The following CR1L variants were observed in gnomAD, a reference collection of about 807,000 sequenced individuals.
CR1L encodes complement component receptor 1-like protein.
In CR1L, 59 loss-of-function variants were observed where a neutral mutation model predicts 62.3. That is an observed-to-expected ratio of 0.95 (90% confidence interval 0.77 to 1.18). The LOEUF (loss-of-function observed/expected upper bound fraction) is 1.18, where lower values mean the gene tolerates loss of function less well. Among genes scored for constraint, CR1L ranks in the 50% most tolerant of loss-of-function variants. CR1L has a pLI of 0.00. For missense variants in CR1L, 700 were observed against 702.8 expected, an observed-to-expected ratio of 1.00 and a Z score of 0.04; for synonymous variants, 279 against 248.7, an observed-to-expected ratio of 1.12 and a Z score of -1.15.
At chr1:207,712,165 C>G (rs1304573366) in intron 10 of CR1L, among the ~76,000 whole-genome samples, 1 of 152,318 alleles carries the variant, frequency 6.6e-6, no homozygotes, top group East Asian at 1.9e-4. Context: ...TGCCTGTCCC[C>G]AAACAGTATG....
intron 4 of CR1L, among the ~76,000 whole-genome samples, chr1:207,692,716 T>TTCTCTC (rs146257550): frequency 6.7e-6 from 1 of 149,808 alleles, no homozygotes; most frequent in South Asian, 2.2e-4. Flanking sequence ...ATGGATCCCC[T>TTCTCTC]TCTCTCTCTC....
At chr1:207,669,353 C>T (rs968741563) in intron 1 of CR1L, 2 of 820,902 alleles carry the variant, frequency 2.4e-6, no homozygotes, top group Non-Finnish European at 2.0e-6. Flanking sequence ...GCGCGGAGCA[C>T]AAGGATTGGT....
At chr1:207,680,108 G>T (rs1464152909) in intron 3 of CR1L, among the ~76,000 whole-genome samples, 4 of 152,142 alleles carry the variant, frequency 2.6e-5, no homozygotes, top group African/African-American at 4.8e-5. Flanking sequence ...TATGGACTTG[G>T]GGTGACCATG....
chr1:207,708,621 GTA>G (rs1664307109), intron 10 of CR1L, among the ~76,000 whole-genome samples: 1 of 152,198 alleles, frequency 6.6e-6, no homozygotes, highest in Non-Finnish European at 1.5e-5. Context: ...CAAGCTGTTA[GTA>G]TCACATCAGA....
At position 207,694,549 on chromosome 1, in the gene CR1L, A is replaced by C. The variant is rs560511652; in HGVS notation, c.660A>C (p.Pro220=). ...KDDQVGIWSG[P]APQCIIPNKC... ...ATCAAGTGGGCATCTGGAGTGGCCCAGCCCCTCAGTGCATTATACCTAACA... is the reference window on the plus strand; with the variant it reads ...ATCAAGTGGGCATCTGGAGTGGCCCCGCCCCTCAGTGCATTATACCTAACA... Residue 220 remains proline (P), a synonymous_variant, in exon 5 of 12, where the codon CCA becomes CCC. Transcript: ENST00000508064. 72 of 1,612,648 alleles carry C rather than the reference A, an allele frequency of 4.5e-5. No individual in the cohort carries two copies. The highest frequency in any genetic ancestry group is 5.9e-5 in the Non-Finnish European group (70 of 1,179,806).
At chr1:207,665,237 G>T (rs1266230635) in intron 1 of CR1L, among the ~76,000 whole-genome samples, 2 of 149,808 alleles carry the variant, frequency 1.3e-5, no homozygotes, top group African/African-American at 4.9e-5. Context: ...TGTATTTTTA[G>T]TAGAGACAGA....
At chr1:207,665,380 G>A (rs1333740279) in intron 1 of CR1L, among the ~76,000 whole-genome samples, 1 of 149,384 alleles carries the variant, frequency 6.7e-6, no homozygotes, top group East Asian at 2.0e-4. Flanking sequence ...ACATACTTGT[G>A]CAAATATATA....
At chr1:207,681,264 G>T (rs573390314) in intron 3 of CR1L, among the ~76,000 whole-genome samples, 1 of 152,292 alleles carries the variant, frequency 6.6e-6, no homozygotes, top group African/African-American at 2.4e-5. Context: ...CATCCTGTAT[G>T]TGGTTTCTGG....
At chr1:207,652,553 A>G (rs572336606) in intron 1 of CR1L, 40 of 1,529,876 alleles carry the variant, frequency 2.6e-5, no homozygotes, top group East Asian at 4.5e-5. Flanking sequence ...CTAGATGCCT[A>G]TGAGGAGCCA....
Position 207,717,636 on chromosome 1 carries a change from T to A in CR1L, c.1587T>A (p.His529Gln). The change falls in exon 11 of 12, where the codon CAT (histidine) becomes CAA (glutamine). Residue 529 changes from histidine (H) to glutamine (Q), a missense_variant. Coordinates refer to ENST00000508064, the MANE Select transcript of CR1L (RefSeq NM_175710.2). ...CCATCCGCCGCACAAGTGAACCTCATGGGAATGGGGTTTGGAGCAGCCCTG... is the reference window on the plus strand; with the variant it reads ...CCATCCGCCGCACAAGTGAACCTCAAGGGAATGGGGTTTGGAGCAGCCCTG... ...ESTIRRTSEP[H>Q]GNGVWSSPAP... The A allele has an allele frequency of 6.2e-7, 1 of 1,613,952 alleles. No homozygotes were observed. Among genetic ancestry groups the A allele is most frequent in the Non-Finnish European group, 8.5e-7 (1 of 1,179,864 alleles).
At chr1:207,690,987 G>T (rs1571522480) in intron 4 of CR1L, among the ~76,000 whole-genome samples, 3 of 152,232 alleles carry the variant, frequency 2.0e-5, no homozygotes, top group Non-Finnish European at 1.5e-5. Context: ...TCTCCAAACT[G>T]GGTCACATTC....
At chr1:207,662,914 C>T (rs1663447857) in intron 1 of CR1L, among the ~76,000 whole-genome samples, 1 of 152,208 alleles carries the variant, frequency 6.6e-6, no homozygotes, top group Non-Finnish European at 1.5e-5. Context: ...GAGGTCCACT[C>T]TAGACCCTGT....
chr1:207,688,146 A>T (rs939771167), intron 4 of CR1L, among the ~76,000 whole-genome samples: 1 of 152,166 alleles, frequency 6.6e-6, no homozygotes, highest in Non-Finnish European at 1.5e-5. Flanking sequence ...TCAGTGGCAC[A>T]TGCCTGTAAG....
At chr1:207,671,720 G>A (rs1663617745) in intron 1 of CR1L, among the ~76,000 whole-genome samples, 1 of 150,754 alleles carries the variant, frequency 6.6e-6, no homozygotes, top group Non-Finnish European at 1.5e-5. Context: ...TCAGGACTTT[G>A]AGACCAGCCT....
At chr1:207,710,735 A>G (rs1036462114) in intron 10 of CR1L, 18 of 1,609,480 alleles carry the variant, frequency 1.1e-5, no homozygotes, top group Admixed American at 5.0e-5. Context: ...ACCGTGTGCA[A>G]TGCCAGGCCC....
chr1:207,646,446 C>G (rs534286223), intron 1 of CR1L, among the ~76,000 whole-genome samples: 49 of 152,244 alleles, frequency 3.2e-4, no homozygotes, highest in African/African-American at 1.1e-3. Flanking sequence ...CCCAGTTGCT[C>G]ACACCTGTGA....
chr1:207,694,328 A>G (rs1347158921), intron 4 of CR1L, 25 bp from the exon 5 acceptor site: 2 of 1,613,162 alleles, frequency 1.2e-6, no homozygotes, highest in Admixed American at 3.3e-5. Context: ...CATTATTTAA[A>G]TTGACTGTGC....
intron 1 of CR1L, among the ~76,000 whole-genome samples, chr1:207,655,039 T>C (rs1663283850): frequency 6.6e-6 from 1 of 152,244 alleles, no homozygotes; most frequent in South Asian, 2.1e-4. Context: ...TGCAGATTTA[T>C]TTAGCACTTT....
chr1:207,677,602 G>C, intron 2 of CR1L, 34 bp downstream of exon 2: 1 of 1,596,562 alleles, frequency 6.3e-7, no homozygotes, highest in Non-Finnish European at 8.5e-7. Context: ...CCCTCTGTTA[G>C]TCAAACATCT....
Sources: allele counts gnomAD v4.1 joint callset (sites outside exome capture counted in the v4.1 genomes callset), GRCh38; gene constraint gnomAD v4.1.1; transcripts MANE v1.5; gene names NCBI Gene and HGNC (gene_info 2026-07-23, HGNC 2026-07-21).